Variants in CRACD observed in about 807,000 individuals in gnomAD.
CRACD encodes capping protein inhibiting regulator of actin dynamics.
A neutral mutation model predicts 106.8 loss-of-function variants in CRACD; 56 were observed. That is an observed-to-expected ratio of 0.52 (90% confidence interval 0.42 to 0.66). CRACD has a LOEUF of 0.66. CRACD is among the 30% of genes least tolerant of loss of function. The pLI, the probability that CRACD is intolerant of heterozygous loss-of-function variation, is 0.00. For synonymous variants in CRACD, 754 were observed against 670.8 expected, an observed-to-expected ratio of 1.12 and a Z score of -1.92; for missense variants, 1,730 against 1,623.2, an observed-to-expected ratio of 1.07 and a Z score of -1.13.
intron 2 of CRACD, among the ~76,000 whole-genome samples, chr4:56,202,737 G>A (rs2109476581): frequency 6.6e-6 from 1 of 152,226 alleles, no homozygotes; most frequent in South Asian, 2.1e-4. Context: ...TTTTTACTCA[G>A]ATTAAACCTT....
chr4:56,281,987 G>A (rs1057298524), intron 3 of CRACD, among the ~76,000 whole-genome samples: 9 of 152,140 alleles, frequency 5.9e-5, no homozygotes, highest in Non-Finnish European at 7.4e-5. Context: ...ATCAAATAGC[G>A]TATATTTTGA....
chr4:56,126,310 G>A (rs564809487), intron 1 of CRACD, among the ~76,000 whole-genome samples: 1 of 152,236 alleles, frequency 6.6e-6, no homozygotes, highest in South Asian at 2.1e-4. Flanking sequence ...CTGGGCACTA[G>A]GTGTACTCTT....
intron 3 of CRACD, among the ~76,000 whole-genome samples, chr4:56,297,565 T>C (rs929794451): frequency 3.3e-5 from 5 of 152,096 alleles, no homozygotes; most frequent in African/African-American, 1.2e-4. Flanking sequence ...GGCAACAGAA[T>C]AAAACCTTGT....
intron 2 of CRACD, among the ~76,000 whole-genome samples, chr4:56,270,222 CTT>C (rs34169072): frequency 1.3e-4 from 19 of 147,832 alleles, no homozygotes; most frequent in African/African-American, 1.5e-4. Flanking sequence ...TTTTCTTTTT[CTT>C]TTTTTTTTTT....
intron 3 of CRACD, among the ~76,000 whole-genome samples, chr4:56,274,594 G>T (rs1294615985): frequency 6.6e-6 from 1 of 152,168 alleles, no homozygotes; most frequent in Non-Finnish European, 1.5e-5. Flanking sequence ...TCAAATAGCT[G>T]CATTTCTAAT....
intron 2 of CRACD, among the ~76,000 whole-genome samples, chr4:56,263,897 C>T (rs1006176475): frequency 5.3e-5 from 8 of 151,954 alleles, no homozygotes; most frequent in African/African-American, 1.5e-4. Flanking sequence ...GAGTTGTGCC[C>T]GATCTCTCTC....
chr4:56,172,947 G>C (rs1297375960), intron 1 of CRACD, among the ~76,000 whole-genome samples: 1 of 152,130 alleles, frequency 6.6e-6, no homozygotes, highest in Non-Finnish European at 1.5e-5. Context: ...GTAGAGACGA[G>C]GTTTCTCCAT....
At chr4:56,325,377 A>T (rs1390314097) in intron 10 of CRACD, among the ~76,000 whole-genome samples, 2 of 152,150 alleles carry the variant, frequency 1.3e-5, no homozygotes, top group East Asian at 3.9e-4. Context: ...GTATCTGAAA[A>T]CCACTACCAG....
intron 1 of CRACD, among the ~76,000 whole-genome samples, chr4:56,065,336 C>T (rs1490999058): frequency 6.6e-6 from 1 of 152,176 alleles, no homozygotes; most frequent in Non-Finnish European, 1.5e-5. Flanking sequence ...GATCCACCCA[C>T]CTCAGCCTCC....
At chr4:56,102,891 A>C (rs4142) in intron 1 of CRACD, among the ~76,000 whole-genome samples, 14,394 of 152,146 alleles carry the variant, frequency 0.095, 746 homozygotes, top group East Asian at 0.19. Flanking sequence ...TTGAGTGCTC[A>C]GCTCCAGCTG....
At chr4:56,148,662 A>G (rs1577693743) in intron 1 of CRACD, among the ~76,000 whole-genome samples, 1 of 152,150 alleles carries the variant, frequency 6.6e-6, no homozygotes, top group Non-Finnish European at 1.5e-5. Context: ...ATTTGTTACT[A>G]TCCCTTGCAT....
intron 3 of CRACD, among the ~76,000 whole-genome samples, chr4:56,287,182 T>C (rs1743418232): frequency 6.6e-6 from 1 of 152,194 alleles, no homozygotes; most frequent in South Asian, 2.1e-4. Flanking sequence ...TGGAGTATGG[T>C]GACGTGATCA....
chr4:56,051,220 A>T (rs2109774384), intron 1 of CRACD, among the ~76,000 whole-genome samples: 1 of 152,336 alleles, frequency 6.6e-6, no homozygotes, highest in South Asian at 2.1e-4. Flanking sequence ...TAGGTGAAAA[A>T]AATACAAGTG....
At chr4:56,181,079 T>G (rs1239314404) in intron 2 of CRACD, among the ~76,000 whole-genome samples, 1 of 152,218 alleles carries the variant, frequency 6.6e-6, no homozygotes, top group Non-Finnish European at 1.5e-5. Flanking sequence ...GCATGGAGCT[T>G]AATGTTGTAG....
chr4:56,301,772 C>T (rs1577880422), intron 4 of CRACD, among the ~76,000 whole-genome samples: 2 of 152,108 alleles, frequency 1.3e-5, no homozygotes, highest in East Asian at 3.9e-4. Context: ...AAACCAGCCT[C>T]CCCTTTCCTG....
At chr4:56,140,587 A>G (rs573772430) in intron 1 of CRACD, among the ~76,000 whole-genome samples, 235 of 152,328 alleles carry the variant, frequency 1.5e-3, no homozygotes, top group Non-Finnish European at 2.8e-3. Context: ...TTCCTATATT[A>G]TATAAGTACT....
At chr4:56,260,290 T>C (rs1741618106) in intron 2 of CRACD, among the ~76,000 whole-genome samples, 1 of 152,212 alleles carries the variant, frequency 6.6e-6, no homozygotes, top group African/African-American at 2.4e-5. Context: ...TTGCAGAATA[T>C]CAGAGAAGTG....
intron 2 of CRACD, among the ~76,000 whole-genome samples, chr4:56,217,769 G>A (rs1481854318): frequency 6.6e-6 from 1 of 152,192 alleles, no homozygotes; most frequent in Non-Finnish European, 1.5e-5. Flanking sequence ...ACTTTCCCTC[G>A]AGGCCTGAAT....
intron 1 of CRACD, among the ~76,000 whole-genome samples, chr4:56,071,978 A>T (rs913361960): frequency 2.0e-5 from 3 of 151,698 alleles, no homozygotes; most frequent in African/African-American, 7.2e-5. Flanking sequence ...AATACAAAAA[A>T]TTAGCCGGGC....
Sources: allele counts gnomAD v4.1 joint callset (sites outside exome capture counted in the v4.1 genomes callset), GRCh38; gene constraint gnomAD v4.1.1; transcripts MANE v1.5; gene names NCBI Gene and HGNC (gene_info 2026-07-23, HGNC 2026-07-21).